The following FTO variants were observed in gnomAD, a reference collection of about 807,000 sequenced individuals.
FTO encodes alpha-ketoglutarate-dependent dioxygenase FTO.
FTO carries 47 observed loss-of-function variants against 63.9 expected under a neutral mutation model. The ratio of observed to expected loss-of-function variants is 0.74; its 90% CI spans 0.58 to 0.94. The LOEUF (loss-of-function observed/expected upper bound fraction) is 0.94. Ranked by LOEUF, FTO falls within the 40% of genes least tolerant of loss-of-function variation. FTO has a pLI of 0.00. For missense variants in FTO, 562 were observed against 618.1 expected (o/e 0.91, Z 0.96); for synonymous variants, 207 against 224.4 (o/e 0.92, Z 0.69).
At chr16:53,974,067 G>A (rs2083386334) in intron 8 of FTO, among the ~76,000 whole-genome samples, 1 of 152,110 alleles carries the variant, frequency 6.6e-6, no homozygotes, top group Non-Finnish European at 1.5e-5. Flanking sequence ...GGCCCTGCTT[G>A]GTCAAACAAA....
Position 53,705,339 on chromosome 16 carries a change from C to G in FTO, c.45+1110C>G, listed in dbSNP as rs985654459. 4.6e-5 allele frequency among the ~76,000 whole-genome samples: 7 copies of G among 152,194 alleles called. No homozygotes were observed. In the East Asian group the frequency reaches 1.3e-3, roughly 29 times the overall value. ...TACAAGATCCTGCATGATCTGGACC[C>G]TACCTGCTTTCACAACCCCATTGGA... On this transcript the variant is annotated intron_variant, in intron 1 of 8. Transcript: ENST00000471389.
chr16:54,077,020 A>C (rs2086011859), intron 8 of FTO, among the ~76,000 whole-genome samples: 1 of 152,212 alleles, frequency 6.6e-6, no homozygotes, highest in Non-Finnish European at 1.5e-5. Context: ...ATATGTGATT[A>C]ACTGACTGAG....
chr16:53,944,537 A>C (rs1286183048), intron 8 of FTO, among the ~76,000 whole-genome samples: 3 of 152,172 alleles, frequency 2.0e-5, no homozygotes, highest in African/African-American at 7.2e-5. Context: ...TTTCAGAGTA[A>C]ATTTAATTAA....
chr16:53,844,719 C>T (rs977636805), intron 4 of FTO, among the ~76,000 whole-genome samples: 12 of 152,040 alleles, frequency 7.9e-5, no homozygotes, highest in African/African-American at 2.7e-4. Context: ...CTCGGTCCCC[C>T]AAAGTGCTGA....
intron 8 of FTO, among the ~76,000 whole-genome samples, chr16:53,946,367 C>G (rs1478466735): frequency 6.6e-6 from 1 of 152,152 alleles, no homozygotes. Context: ...TGATGGGACT[C>G]TTCTGATTAC....
chr16:53,834,636 T>A (rs182599926), intron 3 of FTO, among the ~76,000 whole-genome samples: 2 of 152,296 alleles, frequency 1.3e-5, no homozygotes, highest in Non-Finnish European at 2.9e-5. Flanking sequence ...TATTTTTAGT[T>A]TTTATCAAAA....
chr16:53,996,227 T>A (rs1411664359), intron 8 of FTO, among the ~76,000 whole-genome samples: 18 of 152,148 alleles, frequency 1.2e-4, no homozygotes, highest in Non-Finnish European at 2.5e-4. Flanking sequence ...GACGGTTGGT[T>A]TTTTGCTGCT....
intron 4 of FTO, among the ~76,000 whole-genome samples, chr16:53,860,310 G>A (rs73607622): frequency 6.6e-6 from 1 of 152,212 alleles, no homozygotes; most frequent in Non-Finnish European, 1.5e-5. Flanking sequence ...GTTTCCAAGG[G>A]TTTGAGGGAT....
At chr16:53,805,038 A>G (rs2078326774) in intron 1 of FTO, among the ~76,000 whole-genome samples, 1 of 152,222 alleles carries the variant, frequency 6.6e-6, no homozygotes, top group South Asian at 2.1e-4. Context: ...TTCACAATGA[A>G]CATTCATTAG....
At chr16:53,941,304 G>T (rs1204330208) in intron 8 of FTO, among the ~76,000 whole-genome samples, 2 of 152,212 alleles carry the variant, frequency 1.3e-5, no homozygotes, top group African/African-American at 4.8e-5. Flanking sequence ...TGTGGAGGTG[G>T]TAGTTAATAA....
At chr16:53,824,940 A>G (rs2078965266) in intron 2 of FTO, among the ~76,000 whole-genome samples, 1 of 152,242 alleles carries the variant, frequency 6.6e-6, no homozygotes, top group Non-Finnish European at 1.5e-5. Flanking sequence ...CGAAAAGCTA[A>G]TGCAGCCCTA....
At chr16:53,952,755 A>G (rs2082829066) in intron 8 of FTO, among the ~76,000 whole-genome samples, 1 of 152,186 alleles carries the variant, frequency 6.6e-6, no homozygotes, top group African/African-American at 2.4e-5. Flanking sequence ...TGTGGGTGGG[A>G]ATTGGATCTG....
rs1308089279 is a variant in FTO, at chr16:54,113,284, G to C, written c.*1369G>C. 1.1e-5 allele frequency: 1 copy of C among 89,514 alleles called. No homozygotes were observed. The highest frequency in any genetic ancestry group is 2.6e-5 in the Non-Finnish European group (1 of 37,968). 5.5% of individuals were successfully genotyped at this position (89,514 alleles called of 1,614,324 possible). ...GGTGTCCCAAGAAATCGTGAGAATA[G>C]TTAGCCCCCCGTCTCCCCAGCCTGT... On this transcript the variant is annotated 3_prime_UTR_variant, in exon 9 of 9. Coordinates refer to ENST00000471389, the MANE Select transcript of FTO (RefSeq NM_001080432.3).
chr16:54,085,738 G>A (rs2086242414), intron 8 of FTO, among the ~76,000 whole-genome samples: 1 of 152,182 alleles, frequency 6.6e-6, no homozygotes, highest in Non-Finnish European at 1.5e-5. Context: ...CAGATTGTTT[G>A]TTTAGAGCTT....
chr16:53,957,438 C>T (rs1259897434), intron 8 of FTO, among the ~76,000 whole-genome samples: 8 of 152,172 alleles, frequency 5.3e-5, no homozygotes, highest in Non-Finnish European at 1.2e-4. Flanking sequence ...AAAATGATTA[C>T]CATTGGACGT....
intron 2 of FTO, chr16:53,814,870 A>G (rs2078630181): frequency 6.6e-6 from 1 of 152,230 alleles, no homozygotes. Context: ...GGCATTAGAA[A>G]TGAAGTTGTG....
intron 8 of FTO, among the ~76,000 whole-genome samples, chr16:53,939,135 G>A (rs7197260): frequency 0.02 from 3,109 of 152,064 alleles, 98 homozygotes; most frequent in African/African-American, 0.071. Context: ...ATACTGACTC[G>A]TAATACAGGC....
intron 6 of FTO, among the ~76,000 whole-genome samples, chr16:53,887,272 A>G (rs369630661): frequency 2.6e-5 from 4 of 152,164 alleles, no homozygotes; most frequent in Non-Finnish European, 4.4e-5. Context: ...ATAGCTGCAG[A>G]GTCTTCTTCC....
At chr16:53,766,919 A>G (rs1224927317) in intron 1 of FTO, among the ~76,000 whole-genome samples, 2 of 152,256 alleles carry the variant, frequency 1.3e-5, no homozygotes, top group South Asian at 2.1e-4. Flanking sequence ...GAGATGACAC[A>G]CACCATGAGC....
Sources: gnomAD v4.1 joint callset for allele counts (sites outside exome capture counted in the v4.1 genomes callset) on GRCh38, gnomAD v4.1.1 for gene constraint, MANE v1.5 for transcripts, NCBI Gene and HGNC (gene_info 2026-07-23, HGNC 2026-07-21) for gene names.